SUSD6: variants seen among roughly 807,000 people sequenced by gnomAD.
SUSD6 encodes the protein sushi domain containing 6.
In SUSD6, 16 loss-of-function variants were observed where a neutral mutation model predicts 28.4. The ratio of observed to expected loss-of-function variants is 0.56; its 90% CI spans 0.38 to 0.86. The LOEUF (loss-of-function observed/expected upper bound fraction) is 0.86. Ranked by LOEUF, SUSD6 falls within the 40% of genes least tolerant of loss-of-function variation. The pLI, the probability that SUSD6 is intolerant of heterozygous loss-of-function variation, is 0.00. For missense variants in SUSD6, 341 were observed against 384.2 expected (o/e 0.89, Z 0.94); for synonymous variants, 147 against 159.6 (o/e 0.92, Z 0.59).
Position 69,708,682 on chromosome 14 carries a change from A to T in SUSD6, c.464A>T (p.Asp155Val). The change falls in exon 5 of 6, where the codon GAC becomes GTC. Residue 155 changes from aspartate (D) to valine (V), a missense_variant. Transcript: ENST00000342745. The stretch of plus-strand genomic sequence containing the variant: ...CTTTTCCTCCTCCACTCCAGGCGTG[A>T]CCAGGGGGTATCTGGGGACCAGGTC... ...KLKSFHHSRR[D>V]QGVSGDQVSI... is the part of the protein sequence containing the mutation. 1 of 1,571,460 alleles carries T rather than the reference A, an allele frequency of 6.4e-7. No individual in the cohort carries two copies. The highest frequency in any genetic ancestry group is 1.8e-5 in the Admixed American group (1 of 54,414).
intron 2 of SUSD6, among the ~76,000 whole-genome samples, chr14:69,698,694 G>A (rs1352624138): frequency 2.6e-5 from 4 of 152,168 alleles, no homozygotes; most frequent in African/African-American, 2.4e-5. Flanking sequence ...CTGAGGCGAC[G>A]GAGGTGGTGG....
intron 4 of SUSD6, among the ~76,000 whole-genome samples, chr14:69,707,383 C>T (rs1594725319): frequency 6.6e-6 from 1 of 152,172 alleles, no homozygotes; most frequent in Non-Finnish European, 1.5e-5. Context: ...AAGCCTCACA[C>T]GTATGATGTT....
chr14:69,650,297 C>T (rs1014589638), intron 1 of SUSD6, among the ~76,000 whole-genome samples: 4 of 152,120 alleles, frequency 2.6e-5, no homozygotes, highest in Non-Finnish European at 4.4e-5. Context: ...TTTCATACAT[C>T]GTCCTACATG....
At chr14:69,612,288 G>T (rs1884889392) in intron 1 of SUSD6, among the ~76,000 whole-genome samples, 1 of 152,184 alleles carries the variant, frequency 6.6e-6, no homozygotes, top group African/African-American at 2.4e-5. Flanking sequence ...CTGGCTTAGA[G>T]AAGGTGGATT....
At chr14:69,631,469 G>A (rs146171314) in intron 1 of SUSD6, among the ~76,000 whole-genome samples, 1 of 152,162 alleles carries the variant, frequency 6.6e-6, no homozygotes, top group African/African-American at 2.4e-5. Flanking sequence ...GCTTGGATAG[G>A]TTATTTAGCC....
chr14:69,635,498 A>ACTTACT (rs1264193495), intron 1 of SUSD6, among the ~76,000 whole-genome samples: 1 of 152,160 alleles, frequency 6.6e-6, no homozygotes, highest in Non-Finnish European at 1.5e-5. Flanking sequence ...TCAGAACTGT[A>ACTTACT]CTTACTTGCC....
At chr14:69,706,889 T>G (rs1886394550) in intron 4 of SUSD6, among the ~76,000 whole-genome samples, 1 of 152,174 alleles carries the variant, frequency 6.6e-6, no homozygotes, top group African/African-American at 2.4e-5. Context: ...TCTATATTTC[T>G]TGAATTGATG....
intron 2 of SUSD6, among the ~76,000 whole-genome samples, chr14:69,686,649 T>A (rs1024228054): frequency 6.6e-6 from 1 of 152,234 alleles, no homozygotes; most frequent in African/African-American, 2.4e-5. Context: ...ACATGTTACA[T>A]GGATGACAGC....
At chr14:69,631,110 G>T (rs1315095744) in intron 1 of SUSD6, among the ~76,000 whole-genome samples, 1 of 152,228 alleles carries the variant, frequency 6.6e-6, no homozygotes, top group East Asian at 1.9e-4. Flanking sequence ...CCCCAAGGCA[G>T]TGTCACTCAA....
intron 1 of SUSD6, among the ~76,000 whole-genome samples, chr14:69,628,816 C>T (rs1885153435): frequency 6.6e-6 from 1 of 151,464 alleles, no homozygotes; most frequent in African/African-American, 2.4e-5. Context: ...CGCCTCCCCA[C>T]CTCAGCCCCC....
chr14:69,660,397 A>T (rs1171333787), intron 2 of SUSD6, among the ~76,000 whole-genome samples: 1 of 152,158 alleles, frequency 6.6e-6, no homozygotes, highest in African/African-American at 2.4e-5. Context: ...CCCCCTAGGC[A>T]TGAGGAGCCC....
At chr14:69,697,468 A>G (rs917462562) in intron 2 of SUSD6, among the ~76,000 whole-genome samples, 6 of 152,156 alleles carry the variant, frequency 3.9e-5, no homozygotes, top group African/African-American at 9.7e-5. Flanking sequence ...CTACTATGAG[A>G]AAAAGAATAT....
At chr14:69,684,836 C>T (rs1206619144) in intron 2 of SUSD6, among the ~76,000 whole-genome samples, 3 of 152,226 alleles carry the variant, frequency 2.0e-5, no homozygotes, top group African/African-American at 7.2e-5. Context: ...TAGCTTGGAG[C>T]CTTGAGTCTT....
In SUSD6 at chr14:69,703,928, C is replaced by T. The variant is rs190359975; in HGVS notation, c.319+336C>T. 9.7e-4 allele frequency: 279 copies of T among 287,376 alleles called. 1 individual carries two copies. Among genetic ancestry groups the T allele is most frequent in the Non-Finnish European group, 1.5e-3 (232 of 151,720 alleles). 17.8% of individuals were successfully genotyped at this position (287,376 alleles called of 1,614,324 possible). A position where few individuals can be genotyped will look rare whatever the true frequency, so the allele number is the denominator to read the frequency against. On this transcript the variant is annotated intron_variant, in intron 3 of 5. Coordinates refer to ENST00000342745, the MANE Select transcript of SUSD6 (RefSeq NM_014734.4). ...AATGCTAATACCTTCTCTAATGTAT[C>T]GTCCATTTCATTTTTCCTTGAATGG...
At position 69,668,496 on chromosome 14, in the gene SUSD6, G is replaced by C. The variant is rs139801044; in HGVS notation, c.121+9783G>C. Among the ~76,000 whole-genome samples the C allele has an allele frequency of 8.4e-3, 1,281 of 152,046 alleles. 13 individuals carry two copies. The highest frequency in any genetic ancestry group is 0.029 in the African/African-American group (1,214 of 41,454). ...CTAAAAACACAAAAATCAGCCGGGC[G>C]TGGTGATGCACACCTGTAATCCCAG... On this transcript the variant is annotated intron_variant, in intron 2 of 5. Coordinates refer to ENST00000342745, the MANE Select transcript of SUSD6 (RefSeq NM_014734.4).
At chr14:69,646,539 C>T (rs1025722451) in intron 1 of SUSD6, among the ~76,000 whole-genome samples, 1 of 152,016 alleles carries the variant, frequency 6.6e-6, no homozygotes, top group African/African-American at 2.4e-5. Flanking sequence ...ACCAGTTATC[C>T]CTCAGGTACC....
At chr14:69,612,460 C>CT (rs3837664) in intron 1 of SUSD6, among the ~76,000 whole-genome samples, 3,470 of 152,258 alleles carry the variant, frequency 0.023, 96 homozygotes, top group South Asian at 0.14. Flanking sequence ...ACAGACTTTC[C>CT]TTTTTTCGCT....
chr14:69,646,431 G>GATCACTCCAGGGCTAC (rs1205121183), intron 1 of SUSD6, among the ~76,000 whole-genome samples: 2 of 152,104 alleles, frequency 1.3e-5, no homozygotes, highest in East Asian at 1.9e-4. Context: ...CTTACAGGTT[G>GATCACTCCAGGGCTAC]ATCACTCCAG....
Position 69,674,669 on chromosome 14 carries a change from C to T in SUSD6, c.121+15956C>T, listed in dbSNP as rs552106389. ...CTGTTCTTCAGATTGAATTTGACCC[C>T]GTTTTCAGCCTTTATTTCCCACCAG... is the stretch of plus-strand genomic sequence containing the variant. On this transcript the variant is annotated intron_variant, in intron 2 of 5. Transcript: ENST00000342745. 3.9e-5 allele frequency among the ~76,000 whole-genome samples: 6 copies of T among 152,206 alleles called. No individual in the cohort carries two copies. In the East Asian group the frequency reaches 9.7e-4, roughly 24 times the overall value.
Sources: gnomAD v4.1 joint callset for allele counts (sites outside exome capture counted in the v4.1 genomes callset) on GRCh38, gnomAD v4.1.1 for gene constraint, MANE v1.5 for transcripts, NCBI Gene and HGNC (gene_info 2026-07-23, HGNC 2026-07-21) for gene names.